CD36: variants seen among roughly 807,000 people sequenced by gnomAD.
The protein encoded by CD36 is platelet glycoprotein 4.
A neutral mutation model predicts 55.2 loss-of-function variants in CD36; 119 were observed. That is an observed-to-expected ratio of 2.15 (90% confidence interval 1.86 to 2.51). The LOEUF (loss-of-function observed/expected upper bound fraction) is 2.51, where lower values mean the gene tolerates loss of function less well. Ranked by LOEUF, CD36 falls within the 30% of genes most tolerant of loss-of-function variation. The pLI, the probability that CD36 is intolerant of heterozygous loss-of-function variation, is 0.00. For synonymous variants in CD36, 186 were observed against 193.6 expected (o/e 0.96, Z 0.33); for missense variants, 819 against 555.5 (o/e 1.47, Z -4.77).
intron 14 of CD36, among the ~76,000 whole-genome samples, chr7:80,675,588 A>C (rs977447802): frequency 6.6e-6 from 1 of 152,136 alleles, no homozygotes; most frequent in African/African-American, 2.4e-5. Context: ...TTTATGTGGA[A>C]AAATTACTAC....
rs1584478010 is a variant in CD36, at chr7:80,674,445, A to AGAGC, written c.*298_*299insGAGC. The AGAGC allele has an allele frequency of 1.7e-4, 58 of 340,362 alleles. No homozygotes were observed. The East Asian group carries it at 4.0e-3, about 23-fold the overall frequency. 21.1% of individuals were successfully genotyped at this position (340,362 alleles called of 1,614,324 possible). On this transcript the variant is annotated intron_variant, in intron 14 of 14. Coordinates refer to ENST00000447544, the MANE Select transcript of CD36 (RefSeq NM_001001548.3). ...ATTGACTGGTTCATTTCTCAATTAT[A>AGAGC]TAGCTAGTTATATATTATCTGATAC...
At chr7:80,637,902 A>G (rs1263278818), upstream of CD36, among the ~76,000 whole-genome samples, 1 of 73,428 alleles carries the variant, frequency 1.4e-5, no homozygotes, top group African/African-American at 3.2e-5. Context: ...CAATATCAAC[A>G]TAATGCTTTT....
chr7:80,642,444 A>G (rs1436373937), intron 1 of CD36, among the ~76,000 whole-genome samples: 1 of 152,132 alleles, frequency 6.6e-6, no homozygotes, highest in Non-Finnish European at 1.5e-5. Context: ...CTGAAGATAA[A>G]TATAGGTGGA....
intron 1 of CD36, among the ~76,000 whole-genome samples, chr7:80,631,635 G>T (rs1163938132): frequency 6.6e-6 from 1 of 151,590 alleles, no homozygotes; most frequent in Admixed American, 6.6e-5. Context: ...CAGTGTTTTA[G>T]AATGATTCTG....
chr7:80,629,186 GC>G (rs1793922700), intron 1 of CD36, among the ~76,000 whole-genome samples: 1 of 151,992 alleles, frequency 6.6e-6, no homozygotes, highest in South Asian at 2.1e-4. Flanking sequence ...CAGATTGCTG[GC>G]TCTTCTTAAC....
upstream of CD36, among the ~76,000 whole-genome samples, chr7:80,638,212 A>C (rs1794553741): frequency 6.6e-6 from 1 of 151,956 alleles, no homozygotes; most frequent in Non-Finnish European, 1.5e-5. Context: ...AAGTACATTA[A>C]ATTTAAACTT....
chr7:80,615,947 A>C (rs575011507), intron 1 of CD36, among the ~76,000 whole-genome samples: 1 of 152,238 alleles, frequency 6.6e-6, no homozygotes, highest in African/African-American at 2.4e-5. Flanking sequence ...CTTGGACTTA[A>C]TTTTATTTTG....
chr7:80,669,710 T>C (rs974564824), intron 8 of CD36, among the ~76,000 whole-genome samples: 2 of 152,138 alleles, frequency 1.3e-5, no homozygotes, highest in African/African-American at 4.8e-5. Flanking sequence ...TAGGCCAGGC[T>C]GGTCTCAAAC....
chr7:80,606,375 T>A (rs1207340103), intron 1 of CD36, among the ~76,000 whole-genome samples: 2 of 152,178 alleles, frequency 1.3e-5, no homozygotes, highest in African/African-American at 4.8e-5. Context: ...ATTTTTACAA[T>A]ATAGGACAGA....
At chr7:80,675,487 G>A (rs1042610097) in intron 14 of CD36, among the ~76,000 whole-genome samples, 1 of 152,038 alleles carries the variant, frequency 6.6e-6, no homozygotes, top group East Asian at 1.9e-4. Context: ...GATTCCTTGG[G>A]TCTATTTATA....
chr7:80,662,955 T>C (rs774363575), intron 5 of CD36, 35 bp from the exon 6 acceptor site: 1 of 1,504,614 alleles, frequency 6.6e-7, no homozygotes, highest in East Asian at 2.3e-5. Context: ...TCTAATATTG[T>C]ATTCTTGTCT....
chr7:80,614,912 A>C (rs902024784), intron 1 of CD36, among the ~76,000 whole-genome samples: 1 of 151,962 alleles, frequency 6.6e-6, no homozygotes, highest in African/African-American at 2.4e-5. Flanking sequence ...CTCTGCTTGC[A>C]TAGGGGCGTA....
chr7:80,628,417 A>C (rs4410854), intron 1 of CD36, among the ~76,000 whole-genome samples: 24,634 of 151,976 alleles, frequency 0.16, 3,079 homozygotes, highest in East Asian at 0.44. Context: ...TTCTAAAGCT[A>C]TATAAATGAG....
Position 80,632,260 on chromosome 7 carries a change from T to TAA in CD36, c.-183-13814_-183-13813dup, listed in dbSNP as rs200544591. ...AGGGCAGAATGATCACTTCTCCATTTAAAAAAAAAAAAAAACAGAACAAGA... is the reference window on the plus strand; with the variant it reads ...AGGGCAGAATGATCACTTCTCCATTTAAAAAAAAAAAAAAAAACAGAACAAGA... On this transcript the variant is annotated intron_variant, in intron 1 of 13. Transcript: ENST00000309881. Among the ~76,000 whole-genome samples, 637 of 139,484 alleles carry TAA rather than the reference T, an allele frequency of 4.6e-3. 3 individuals are homozygous for TAA. The highest frequency in any genetic ancestry group is 7.3e-3 in the Non-Finnish European group (461 of 63,440). 91.5% of individuals were successfully genotyped at this position (139,484 alleles called of 152,430 possible). A position where few individuals can be genotyped will look rare whatever the true frequency, so the allele number is the denominator to read the frequency against.
upstream of CD36, among the ~76,000 whole-genome samples, chr7:80,635,829 T>C (rs181121519): frequency 8.1e-4 from 124 of 152,254 alleles, no homozygotes; most frequent in Non-Finnish European, 1.6e-3. Flanking sequence ...AGCAGCATAA[T>C]AGTCTCTCAT....
intron 3 of CD36, among the ~76,000 whole-genome samples, chr7:80,654,509 C>A (rs1400775370): frequency 1.3e-5 from 2 of 152,106 alleles, no homozygotes; most frequent in African/African-American, 4.8e-5. Context: ...CAACCGTTTT[C>A]AGCTTCTATT....
chr7:80,605,559 G>A (rs1792498790), intron 1 of CD36, among the ~76,000 whole-genome samples: 2 of 152,116 alleles, frequency 1.3e-5, no homozygotes, highest in African/African-American at 4.8e-5. Flanking sequence ...TACTGTCAGA[G>A]TTGTTTCCAT....
At chr7:80,642,083 A>G (rs1417335888) in intron 1 of CD36, among the ~76,000 whole-genome samples, 3 of 152,168 alleles carry the variant, frequency 2.0e-5, no homozygotes, top group African/African-American at 7.2e-5. Context: ...CTATAGAATC[A>G]AGAAAGGCAT....
chr7:80,635,798 T>C (rs1271654522), upstream of CD36, among the ~76,000 whole-genome samples: 1 of 152,116 alleles, frequency 6.6e-6, no homozygotes, highest in Non-Finnish European at 1.5e-5. Context: ...ATCAAACCAT[T>C]ACATATCCAT....
Sources: gnomAD v4.1 joint callset for allele counts (sites outside exome capture counted in the v4.1 genomes callset) on GRCh38, gnomAD v4.1.1 for gene constraint, MANE v1.5 for transcripts, NCBI Gene and HGNC (gene_info 2026-07-23, HGNC 2026-07-21) for gene names.